PLAAT3: variants seen among roughly 807,000 people sequenced by gnomAD.
The protein encoded by PLAAT3 is Ca-independent phospholipase A1/2.
Under a neutral mutation model 16.7 loss-of-function variants are expected in PLAAT3, and 21 were observed. That is an observed-to-expected ratio of 1.26 (90% CI 0.89 to 1.81). The LOEUF is 1.81. Ranked by LOEUF, PLAAT3 falls within the 40% of genes most tolerant of loss-of-function variation. The probability of loss-of-function intolerance (pLI) is 0.00; values close to 1 mark genes in which losing one functional copy is unlikely to be tolerated. For synonymous variants in PLAAT3, 76 were observed against 81.7 expected, an observed-to-expected ratio of 0.93 and a Z score of 0.38; for missense variants, 219 against 213.7, an observed-to-expected ratio of 1.02 and a Z score of -0.16.
chr11:63,598,875 G>A (rs1160612016), intron 2 of PLAAT3, among the ~76,000 whole-genome samples: 1 of 152,224 alleles, frequency 6.6e-6, no homozygotes, highest in African/African-American at 2.4e-5. Context: ...TGTGTGTGAG[G>A]GTGGATGCAT....
chr11:63,600,538 C>T (rs1938397387), intron 2 of PLAAT3, among the ~76,000 whole-genome samples: 2 of 151,950 alleles, frequency 1.3e-5, no homozygotes, highest in Admixed American at 1.3e-4. Flanking sequence ...GAGGGAATTT[C>T]AGGGGTAAAA....
In PLAAT3 at chr11:63,603,703, TACACACACACACAC is replaced by T. The variant is rs67821162; in HGVS notation, c.16-5554_16-5541del. 2.1e-3 allele frequency among the ~76,000 whole-genome samples: 241 copies of T among 117,088 alleles called. 2 individuals are homozygous for T. Among genetic ancestry groups the T allele is most frequent in the South Asian group, 5.0e-3 (18 of 3,590 alleles). 76.8% of individuals were successfully genotyped at this position (117,088 alleles called of 152,430 possible). The stretch of plus-strand genomic sequence containing the variant: ...AAAGGGCTAGTTAAGTAAATTATCC[TACACACACACACAC>T]ACACACACACACACACACACACACA... On this transcript the variant is annotated intron_variant, in intron 2 of 4. Transcript: ENST00000415826.
intron 3 of PLAAT3, among the ~76,000 whole-genome samples, chr11:63,591,360 C>A (rs1938148139): frequency 6.6e-6 from 1 of 152,136 alleles, no homozygotes; most frequent in Non-Finnish European, 1.5e-5. Context: ...CCGACCTGGA[C>A]AACAGAGTGA....
intron 2 of PLAAT3, among the ~76,000 whole-genome samples, chr11:63,609,568 G>A (rs1441173975): frequency 2.0e-5 from 3 of 152,232 alleles, no homozygotes; most frequent in Admixed American, 2.0e-4. Flanking sequence ...AGAGGGTTGA[G>A]ACCCCATGCC....
At chr11:63,604,426 C>T (rs1045275018) in intron 2 of PLAAT3, among the ~76,000 whole-genome samples, 2 of 152,046 alleles carry the variant, frequency 1.3e-5, no homozygotes, top group Non-Finnish European at 2.9e-5. Flanking sequence ...GTTGCCAAAC[C>T]TCATGAAACT....
At chr11:63,609,561 G>A (rs533654328) in intron 2 of PLAAT3, among the ~76,000 whole-genome samples, 23 of 152,334 alleles carry the variant, frequency 1.5e-4, no homozygotes, top group Non-Finnish European at 2.4e-4. Flanking sequence ...GCCTACGAGA[G>A]GGTTGAGACC....
At chr11:63,590,446 G>A in intron 3 of PLAAT3, 78 bp from the exon 4 acceptor site, 1 of 1,362,402 alleles carries the variant, frequency 7.3e-7, no homozygotes, top group South Asian at 1.3e-5. Flanking sequence ...CCCCAGCCGG[G>A]CATCTGCCCT....
intron 3 of PLAAT3, among the ~76,000 whole-genome samples, chr11:63,596,164 C>CG (rs775505868): frequency 9.7e-5 from 14 of 144,020 alleles, no homozygotes; most frequent in Non-Finnish European, 2.0e-4. Flanking sequence ...CGGCGTGAAC[C>CG]CGGAGGCAGA....
chr11:63,581,413 G>GTCTGATGCAGTTGA (rs1172743842), intron 4 of PLAAT3, among the ~76,000 whole-genome samples: 1 of 152,252 alleles, frequency 6.6e-6, no homozygotes, highest in Non-Finnish European at 1.5e-5. Flanking sequence ...GGGAGTGTCT[G>GTCTGATGCAGTTGA]TCTGATGCAG....
intron 2 of PLAAT3, among the ~76,000 whole-genome samples, chr11:63,603,466 G>A (rs1008966688): frequency 3.3e-5 from 5 of 151,940 alleles, no homozygotes; most frequent in Non-Finnish European, 5.9e-5. Flanking sequence ...GCAAACTGAG[G>A]AGCAATTTCT....
intron 4 of PLAAT3, among the ~76,000 whole-genome samples, chr11:63,582,133 TAGCATGTTGA>T (rs1250424115): frequency 2.0e-5 from 3 of 152,242 alleles, no homozygotes; most frequent in African/African-American, 7.2e-5. Flanking sequence ...CTCCAGAGCC[TAGCATGTTGA>T]GGACTGCCAT....
intron 2 of PLAAT3, among the ~76,000 whole-genome samples, chr11:63,601,977 T>C (rs1389553747): frequency 2.9e-5 from 1 of 34,056 alleles, no homozygotes. Context: ...CGAAACTCTG[T>C]CTCAAAAAAA....
At chr11:63,609,884 C>A (rs1938651934) in intron 2 of PLAAT3, among the ~76,000 whole-genome samples, 1 of 152,222 alleles carries the variant, frequency 6.6e-6, no homozygotes. Context: ...ACAGGGCAAA[C>A]CTCACCTTCT....
intron 4 of PLAAT3, among the ~76,000 whole-genome samples, chr11:63,576,108 G>C (rs1432346508): frequency 1.3e-5 from 2 of 152,096 alleles, no homozygotes; most frequent in African/African-American, 2.4e-5. Context: ...CTCCACACAA[G>C]AGTCCAGAAG....
intron 4 of PLAAT3, among the ~76,000 whole-genome samples, chr11:63,587,590 T>C (rs1490903931): frequency 2.0e-5 from 3 of 150,534 alleles, no homozygotes; most frequent in Admixed American, 1.3e-4. Context: ...AGTCTCACTC[T>C]GTCACCCAGG....
chr11:63,586,123 T>A (rs1937967634), intron 4 of PLAAT3, among the ~76,000 whole-genome samples: 1 of 152,026 alleles, frequency 6.6e-6, no homozygotes, highest in Non-Finnish European at 1.5e-5. Flanking sequence ...TGTGTGTGTG[T>A]GTGTGTGTGC....
At chr11:63,602,395 ACC>A (rs1938455845) in intron 2 of PLAAT3, among the ~76,000 whole-genome samples, 1 of 152,080 alleles carries the variant, frequency 6.6e-6, no homozygotes, top group African/African-American at 2.4e-5. Context: ...TGAATAATTC[ACC>A]TCTACCACTA....
intron 4 of PLAAT3, among the ~76,000 whole-genome samples, chr11:63,583,670 T>C (rs1937884923): frequency 6.6e-6 from 1 of 152,232 alleles, no homozygotes; most frequent in African/African-American, 2.4e-5. Flanking sequence ...ATCCAGCTGC[T>C]GTGTTGTTAT....
chr11:63,593,281 G>A (rs1938196860), intron 3 of PLAAT3, among the ~76,000 whole-genome samples: 1 of 152,232 alleles, frequency 6.6e-6, no homozygotes, highest in South Asian at 2.1e-4. Flanking sequence ...TGGCAAGGAT[G>A]ACCAGCAGAG....
Sources: gnomAD v4.1 joint callset for allele counts (sites outside exome capture counted in the v4.1 genomes callset) on GRCh38, gnomAD v4.1.1 for gene constraint, MANE v1.5 for transcripts, NCBI Gene and HGNC (gene_info 2026-07-23, HGNC 2026-07-21) for gene names.